NID2: variants seen among roughly 807,000 people sequenced by gnomAD.
NID2 encodes the protein nidogen 2, also known as nidogen-2.
NID2 carries 83 observed loss-of-function variants against 145.4 expected under a neutral mutation model. The ratio of observed to expected loss-of-function variants is 0.57; its 90% CI spans 0.48 to 0.69. The LOEUF is 0.69. Among genes scored for constraint, NID2 ranks in the 30% least tolerant of loss-of-function variants. The pLI is 0.00. For missense variants in NID2, 1,807 were observed against 1,765.7 expected, an observed-to-expected ratio of 1.02 and a Z score of -0.42; for synonymous variants, 739 against 701.3, an observed-to-expected ratio of 1.05 and a Z score of -0.85.
intron 11 of NID2, 58 bp from the exon 12 acceptor site, chr14:52,027,402 A>C: frequency 7.1e-7 from 1 of 1,416,504 alleles, no homozygotes. Context: ...GATGAGCCTC[A>C]CTCCTCATGG....
At position 52,045,565 on chromosome 14, in the gene NID2, A is replaced by AT. The variant is rs1566766393; in HGVS notation, c.1430-2635_1430-2634insA. Among the ~76,000 whole-genome samples, 4 of 152,142 alleles carry AT rather than the reference A, an allele frequency of 2.6e-5. No individual in the cohort carries two copies. The East Asian group carries it at 7.7e-4, about 29-fold the overall frequency. On this transcript the variant is annotated intron_variant, in intron 5 of 21. Transcript: ENST00000216286. ...AAAACTCAAGGCAGAAAAAAAAAAA[A>AT]AAAAAACCCAGGATGGATCATGGTA...
chr14:52,040,707 G>T lies in NID2; in HGVS notation c.1970C>A (p.Ala657Glu), dbSNP rs760549739. 14 of 1,614,028 alleles carry T rather than the reference G, an allele frequency of 8.7e-6. No individual in the cohort carries two copies. In the East Asian group the frequency reaches 2.5e-4, roughly 28 times the overall value. ...NIQGQVPYVS[A>E]NFTAHISPYK... Reference sequence around the variant, plus strand: ...GGGAGAGATGTGGGCTGTGAAATTTGCTGAGACGTAAGGCACCTGGCCTTG... The same window carrying T: ...GGGAGAGATGTGGGCTGTGAAATTTTCTGAGACGTAAGGCACCTGGCCTTG... Residue 657 changes from alanine to glutamate, a missense_variant, in exon 8 of 22, where the codon GCA becomes GAA. Transcript: ENST00000216286.
rs763247887 is a variant in NID2, at chr14:52,014,442, C to T, written c.3265G>A (p.Ala1089Thr). 1.4e-5 allele frequency: 22 copies of T among 1,610,690 alleles called. No homozygotes were observed. The highest frequency in any genetic ancestry group is 1.8e-5 in the Non-Finnish European group (21 of 1,178,346). The part of the protein sequence containing the change: ...GTTPACIPTV[A>T]PPMVRPTPRP... ...GGCGTGGGCCGGACCATGGGTGGAG[C>T]GACGGTGGGTATACCTGTGGGAGAG... Residue 1089 changes from alanine to threonine, a missense_variant, in exon 16 of 22, where the codon GCT (alanine) becomes ACT (threonine). Physicochemically the swap from Ala to Thr is moderately conservative, Grantham distance 58. Coordinates refer to ENST00000216286, the MANE Select transcript of NID2 (RefSeq NM_007361.4).
At chr14:52,026,866 G>A (rs959053176) in intron 12 of NID2, among the ~76,000 whole-genome samples, 74 of 152,200 alleles carry the variant, frequency 4.9e-4, no homozygotes, top group African/African-American at 1.7e-3. Flanking sequence ...CATAAGTGTT[G>A]AATTAAGGTG....
intron 9 of NID2, among the ~76,000 whole-genome samples, chr14:52,035,175 A>C (rs1431534072): frequency 6.6e-6 from 1 of 152,162 alleles, no homozygotes; most frequent in Non-Finnish European, 1.5e-5. Context: ...GGACAGTTCT[A>C]TAGACTGACA....
chr14:52,027,301 G>C lies in NID2; in HGVS notation c.2574C>G (p.Thr858=). The change falls in exon 12 of 22, where the codon ACC becomes ACG. Residue 858 remains threonine (T), a synonymous_variant. Transcript: ENST00000216286. ...PANPCEDGSH[T]CAPAGQARCV... ...ACCGGGCCTGCCCAGCAGGAGCACA[G>C]GTATGACTGCCATCCTCACAGGGGT... 6.3e-7 allele frequency: 1 copy of C among 1,593,888 alleles called. No homozygotes were observed.
At position 52,028,720 on chromosome 14, in the gene NID2, A is replaced by T; in HGVS notation, c.2530+2T>A. The T allele has an allele frequency of 6.2e-7, 1 of 1,609,826 alleles. No homozygotes were observed. Among genetic ancestry groups the T allele is most frequent in the Non-Finnish European group, 8.5e-7 (1 of 1,178,794 alleles). On this transcript the variant is annotated splice_donor_variant, in intron 11 of 21. Coordinates refer to ENST00000216286, the MANE Select transcript of NID2 (RefSeq NM_007361.4). LOFTEE classifies it high-confidence loss of function. ...ACACAGGAAAATGATTTTGGAACTC[A>T]CAGATGCAAGTATGCCGGTCATCTG...
chr14:52,038,851 A>G lies in NID2; in HGVS notation c.2153T>C (p.Phe718Ser). The G allele has an allele frequency of 6.2e-7, 1 of 1,614,054 alleles. No homozygotes were observed. Among genetic ancestry groups the G allele is most frequent in the Non-Finnish European group, 8.5e-7 (1 of 1,179,996 alleles). ...CACGTTCAGCTGCTGGGTGGTGGGG[A>G]AGGACGGGTGTCTGGGGGCGTGCCT... is the stretch of plus-strand genomic sequence containing the variant. ...VCRHAPRHPS[F>S]PTTQQLNVDR... The change falls in exon 9 of 22, where the codon TTC becomes TCC. Residue 718 changes from phenylalanine (F) to serine (S), a missense_variant. Coordinates refer to ENST00000216286, the MANE Select transcript of NID2 (RefSeq NM_007361.4).
At position 52,005,436 on chromosome 14, in the gene NID2, G is replaced by A. The variant is rs746692339; in HGVS notation, c.*50C>T. ...TTGCCTTTGCAGTCACTGTTCTTTA[G>A]GGTCCAGGTTCTGATTGTAAACTCC... On this transcript the variant is annotated 3_prime_UTR_variant, in exon 22 of 22. Transcript: ENST00000216286. 1.1e-5 allele frequency: 16 copies of A among 1,515,148 alleles called. No individual in the cohort carries two copies. Among genetic ancestry groups the A allele is most frequent in the African/African-American group, 1.4e-5 (1 of 71,762 alleles). The allele number at this position is 1,515,148 out of a possible 1,614,324, so 93.9% of individuals were successfully genotyped here.
At chr14:52,009,470 G>A (rs1347239591) in intron 18 of NID2, 1 of 152,202 alleles carries the variant, frequency 6.6e-6, no homozygotes, top group South Asian at 2.1e-4. Flanking sequence ...GTAATTACAT[G>A]TGTTATATTG....
intron 2 of NID2, among the ~76,000 whole-genome samples, chr14:52,061,180 T>G (rs1337158761): frequency 6.6e-6 from 1 of 152,192 alleles, no homozygotes; most frequent in Non-Finnish European, 1.5e-5. Context: ...GCTTCTACAC[T>G]TTGTTCGTGG....
intron 12 of NID2, among the ~76,000 whole-genome samples, chr14:52,023,101 C>A (rs1180610555): frequency 6.6e-6 from 1 of 152,194 alleles, no homozygotes; most frequent in Non-Finnish European, 1.5e-5. Flanking sequence ...TTTTACCATA[C>A]CATACCCAAC....
In NID2 at chr14:52,011,777, A is replaced by G. The variant is rs1385140124; in HGVS notation, c.3421-94T>C. On this transcript the variant is annotated intron_variant, in intron 16 of 21. Transcript: ENST00000216286. ...TTGCTCATGCACAGCTGCAGTGAGC[A>G]ACACTGCACTGTGATCCTGCAGGCA... The G allele has an allele frequency of 2.9e-6, 4 of 1,390,054 alleles. No individual in the cohort carries two copies. The Admixed American group carries it at 5.2e-5, about 18-fold the overall frequency. The allele number at this position is 1,390,054 out of a possible 1,614,324, so 86.1% of individuals were successfully genotyped here. A position where few individuals can be genotyped will look rare whatever the true frequency, so the allele number is the denominator to read the frequency against.
In NID2 at chr14:52,011,671, C is replaced by T. The variant is rs775860434; in HGVS notation, c.3433G>A (p.Val1145Met). 19 of 1,614,016 alleles carry T rather than the reference C, an allele frequency of 1.2e-5. No homozygotes were observed. Among genetic ancestry groups the T allele is most frequent in the Admixed American group, 1.0e-4 (6 of 60,004 alleles). The change falls in exon 17 of 22, where the codon GTG (valine) becomes ATG (methionine). Residue 1145 changes from valine (V) to methionine (M), a missense_variant. Physicochemically the swap from Val to Met is conservative, Grantham distance 21. Transcript: ENST00000216286. ...TCCCGGCAGTCGTAATCAATTCCCA[C>T]GATTATGGAGCCCTTTGTGCATCAA... ...TLLSLHGSII[V>M]GIDYDCRERM...
intron 3 of NID2, among the ~76,000 whole-genome samples, chr14:52,056,449 A>G (rs1317586079): frequency 6.6e-6 from 1 of 152,204 alleles, no homozygotes; most frequent in Non-Finnish European, 1.5e-5. Flanking sequence ...ATGGGATGAC[A>G]ATGCCTTCCT....
intron 5 of NID2, among the ~76,000 whole-genome samples, chr14:52,050,496 C>T (rs1447647850): frequency 1.3e-5 from 2 of 152,210 alleles, no homozygotes; most frequent in Non-Finnish European, 2.9e-5. Flanking sequence ...CTACAGCTTT[C>T]TCTAATTTCT....
At position 52,010,489 on chromosome 14, in the gene NID2, G is replaced by A. The variant is rs544804029; in HGVS notation, c.3722+387C>T. On this transcript the variant is annotated intron_variant, in intron 18 of 21. Coordinates refer to ENST00000216286, the MANE Select transcript of NID2 (RefSeq NM_007361.4). The stretch of plus-strand genomic sequence containing the variant: ...GATGTAGGTCAGCCCTACTGTGAGC[G>A]TCAACCCTGGTTTCTAAATGTGCTG... 3.1e-4 allele frequency: 54 copies of A among 172,470 alleles called. 1 individual carries two copies. In the South Asian group the frequency reaches 3.6e-3, roughly 12 times the overall value. 10.7% of individuals were successfully genotyped at this position (172,470 alleles called of 1,614,324 possible).
Position 52,046,340 on chromosome 14 carries a change from A to AAAAG in NID2, c.1430-3410_1430-3409insCTTT, listed in dbSNP as rs1892493727. On this transcript the variant is annotated intron_variant, in intron 5 of 21. Transcript: ENST00000216286. ...TCCATCTCAAAAAAAAAAAAAAAAA[A>AAAAG]AAGCCGTTTTCATAATATTCAGATA... Among the ~76,000 whole-genome samples the AAAAG allele has an allele frequency of 2.2e-4, 6 of 26,690 alleles. 1 individual carries two copies. Among genetic ancestry groups the AAAAG allele is most frequent in the South Asian group, 4.2e-3 (2 of 474 alleles). 17.5% of individuals were successfully genotyped at this position (26,690 alleles called of 152,430 possible). A position where few individuals can be genotyped will look rare whatever the true frequency, so the allele number is the denominator to read the frequency against.
rs1293983273 is a variant in NID2, at chr14:52,005,512, A to G, written c.4118-16T>C. 2.1e-5 allele frequency: 33 copies of G among 1,596,766 alleles called. No individual in the cohort carries two copies. The highest frequency in any genetic ancestry group is 2.6e-5 in the Non-Finnish European group (31 of 1,173,802). ...TACTTTCTTCCTGTGAGAGAAGAGC[A>G]GGGGTGGGACAGGGTGGTGGGTGAG... is the stretch of plus-strand genomic sequence containing the variant. On this transcript the variant is annotated splice_polypyrimidine_tract_variant and intron_variant, in intron 21 of 21. Transcript: ENST00000216286.
Sources: gnomAD v4.1 joint callset for allele counts (sites outside exome capture counted in the v4.1 genomes callset) on GRCh38, gnomAD v4.1.1 for gene constraint, MANE v1.5 for transcripts, NCBI Gene and HGNC (gene_info 2026-07-23, HGNC 2026-07-21) for gene names.